Variants in DOCK3 observed in about 807,000 individuals in gnomAD.
DOCK3 encodes the protein dedicator of cytokinesis 3, also known as dedicator of cytokinesis protein 3.
DOCK3 carries 60 observed loss-of-function variants against 265.6 expected under a neutral mutation model. The observed-to-expected ratio is 0.23, with a 90% CI of 0.18 to 0.28. DOCK3 has a LOEUF of 0.28. Among genes scored for constraint, DOCK3 ranks in the 10% least tolerant of loss-of-function variants. The pLI is 1.00. For synonymous variants in DOCK3, 881 were observed against 938.0 expected, an observed-to-expected ratio of 0.94 and a Z score of 1.11; for missense variants, 1,981 against 2,594.3, an observed-to-expected ratio of 0.76 and a Z score of 5.14.
At chr3:51,379,019 G>C (rs1014873647) in intron 51 of DOCK3, among the ~76,000 whole-genome samples, 4 of 152,194 alleles carry the variant, frequency 2.6e-5, no homozygotes, top group Non-Finnish European at 4.4e-5. Context: ...CTTGCTCCCT[G>C]CTTTTCCCAC....
chr3:51,275,193 A>G lies in DOCK3; in HGVS notation c.2663A>G (p.Lys888Arg), dbSNP rs2080743801. The change falls in exon 25 of 53, where the codon AAG becomes AGG. Residue 888 changes from lysine (K) to arginine (R), a missense_variant. By Grantham distance (26) the Lys-to-Arg change is conservative. This residue lies in a region of DOCK3 where 1,357 missense variants were observed against 1,866.8 expected (regional missense o/e 0.73). Transcript: ENST00000266037. ...GILGSIFSIVKTSSLEADVME... is the reference protein window; with the variant it reads ...GILGSIFSIVRTSSLEADVME... The stretch of plus-strand genomic sequence containing the variant: ...CTTGGCAGCATCTTCTCCATCGTCA[A>G]GACCAGCTCTCTGGTAGTGGCCCCA... 1 of 1,613,818 alleles carries G rather than the reference A, an allele frequency of 6.2e-7. No homozygotes were observed. The highest frequency in any genetic ancestry group is 1.7e-5 in the Admixed American group (1 of 59,998).
chr3:50,855,661 A>C (rs1033447937), intron 3 of DOCK3, among the ~76,000 whole-genome samples: 1 of 151,716 alleles, frequency 6.6e-6, no homozygotes, highest in African/African-American at 2.4e-5. Context: ...TTTCTTATTT[A>C]TTTATTTATT....
At chr3:51,160,403 A>G (rs1435994201) in intron 11 of DOCK3, among the ~76,000 whole-genome samples, 152 bp from the exon 12 acceptor site, 1 of 152,190 alleles carries the variant, frequency 6.6e-6, no homozygotes, top group Admixed American at 6.5e-5. Context: ...TTCCACATAA[A>G]TATCCTTGGA....
intron 21 of DOCK3, among the ~76,000 whole-genome samples, chr3:51,240,709 G>T (rs925781618): frequency 6.6e-6 from 1 of 152,102 alleles, no homozygotes; most frequent in African/African-American, 2.4e-5. Context: ...TGCAGTCTTT[G>T]TTGGTTTGAA....
chr3:50,955,648 A>G (rs1012526814), intron 5 of DOCK3, among the ~76,000 whole-genome samples: 9 of 152,164 alleles, frequency 5.9e-5, no homozygotes, highest in African/African-American at 2.2e-4. Flanking sequence ...CATGGACACA[A>G]AGAAGGGCAC....
intron 46 of DOCK3, among the ~76,000 whole-genome samples, chr3:51,360,032 G>A (rs2086619269): frequency 2.0e-5 from 3 of 152,162 alleles, no homozygotes; most frequent in Admixed American, 1.3e-4. Context: ...TTTATGTTCT[G>A]TCTCCCCGTA....
At chr3:50,805,576 C>T (rs2675793) in intron 2 of DOCK3, among the ~76,000 whole-genome samples, 14,370 of 152,152 alleles carry the variant, frequency 0.094, 838 homozygotes, top group Non-Finnish European at 0.12. Flanking sequence ...CTGCCAGGGT[C>T]GGCCTGCAGG....
At chr3:51,305,834 CTTTTTTTTT>C (rs761039681) in intron 27 of DOCK3, among the ~76,000 whole-genome samples, 4 of 50,554 alleles carry the variant, frequency 7.9e-5, no homozygotes, top group Non-Finnish European at 9.6e-5. Flanking sequence ...ATTTCTTCTT[CTTTTTTTTT>C]TTTTTTTTTT....
chr3:50,854,988 G>A (rs1444276672), intron 3 of DOCK3, among the ~76,000 whole-genome samples: 1 of 151,972 alleles, frequency 6.6e-6, no homozygotes, highest in African/African-American at 2.4e-5. Context: ...ATTAATCTAT[G>A]TGTCTATTTT....
rs2078407226 is a variant in DOCK3, at chr3:51,237,643, G to A, written c.2102+53G>A. ...GACTCGTGTTTGAGTAGAAATATAGGCTTTAAAAAAGTTTAGCTGCAACCA... is the reference window on the plus strand; with the variant it reads ...GACTCGTGTTTGAGTAGAAATATAGACTTTAAAAAAGTTTAGCTGCAACCA... On this transcript the variant is annotated intron_variant, in intron 21 of 52. Coordinates refer to ENST00000266037, the MANE Select transcript of DOCK3 (RefSeq NM_004947.5). 7 of 1,511,084 alleles carry A rather than the reference G, an allele frequency of 4.6e-6. No individual in the cohort carries two copies. The South Asian group carries it at 6.0e-5, about 13-fold the overall frequency. The allele number at this position is 1,511,084 out of a possible 1,614,324, so 93.6% of individuals were successfully genotyped here.
intron 10 of DOCK3, among the ~76,000 whole-genome samples, chr3:51,155,852 T>G (rs930843838): frequency 6.6e-6 from 1 of 152,222 alleles, no homozygotes; most frequent in African/African-American, 2.4e-5. Context: ...TACTCATTTT[T>G]AGATATTCAG....
chr3:50,702,090 T>C (rs2036078634), intron 1 of DOCK3, among the ~76,000 whole-genome samples: 2 of 152,194 alleles, frequency 1.3e-5, no homozygotes, highest in Admixed American at 6.5e-5. Context: ...TTGTTTATTC[T>C]ATTTCTGTGA....
chr3:51,199,960 T>G (rs2088608136), intron 12 of DOCK3, among the ~76,000 whole-genome samples: 1 of 152,182 alleles, frequency 6.6e-6, no homozygotes, highest in South Asian at 2.1e-4. Context: ...CCAACAGACC[T>G]GCAGCTGAGG....
intron 9 of DOCK3, among the ~76,000 whole-genome samples, chr3:51,098,209 A>G (rs1029081384): frequency 2.6e-5 from 4 of 152,108 alleles, no homozygotes; most frequent in African/African-American, 9.7e-5. Flanking sequence ...GGTGCCCACC[A>G]CCATGCCCAT....
At chr3:51,355,964 C>A in intron 41 of DOCK3, 125 bp from the exon 42 acceptor site, 1 of 1,217,490 alleles carries the variant, frequency 8.2e-7, no homozygotes, top group Admixed American at 2.1e-5. Flanking sequence ...CCACTGCCTC[C>A]CCTACTGGGC....
intron 3 of DOCK3, chr3:50,877,177 C>A (rs190703236): frequency 2.3e-4 from 74 of 315,174 alleles, no homozygotes; most frequent in East Asian, 2.1e-3. Flanking sequence ...AAGAGCCATA[C>A]TGAGCTCCTG....
intron 14 of DOCK3, among the ~76,000 whole-genome samples, chr3:51,219,154 A>G (rs1457938887): frequency 2.0e-5 from 3 of 152,206 alleles, no homozygotes; most frequent in African/African-American, 4.8e-5. Flanking sequence ...CCTGACAAAA[A>G]TGTGCATGTT....
chr3:50,699,453 A>ATT (rs33947661), intron 1 of DOCK3, among the ~76,000 whole-genome samples: 18 of 122,774 alleles, frequency 1.5e-4, no homozygotes, highest in African/African-American at 5.4e-4. Flanking sequence ...GTTGTTGGGC[A>ATT]TTTTTTTTTT....
Position 51,260,275 on chromosome 3 carries a change from G to T in DOCK3, c.2304G>T (p.Arg768=). Residue 768 remains arginine (R), a synonymous_variant, in exon 23 of 53, where the codon CGG becomes CGT. Transcript: ENST00000266037. ...SSIQELFQSI[R]FVLSLDSRNS... ...TCCAAGAACTTTTCCAGTCCATCCGGTTTGTGCTCAGTCTGGACAGCCGAA... is the reference window on the plus strand; with the variant it reads ...TCCAAGAACTTTTCCAGTCCATCCGTTTTGTGCTCAGTCTGGACAGCCGAA... 6.2e-7 allele frequency: 1 copy of T among 1,613,902 alleles called. No individual in the cohort carries two copies. The highest frequency in any genetic ancestry group is 8.5e-7 in the Non-Finnish European group (1 of 1,179,890).
Sources: gnomAD v4.1 joint callset for allele counts (sites outside exome capture counted in the v4.1 genomes callset) on GRCh38, gnomAD v4.1.1 for gene constraint, gnomAD v4.1.1 regional missense constraint, MANE v1.5 for transcripts, NCBI Gene and HGNC (gene_info 2026-07-23, HGNC 2026-07-21) for gene names.